AGBL1: variants seen among roughly 807,000 people sequenced by gnomAD.
AGBL1 encodes the protein AGBL carboxypeptidase 1.
Under a neutral mutation model 118.9 loss-of-function variants are expected in AGBL1, and 130 were observed. That is an observed-to-expected ratio of 1.09 (90% CI 0.95 to 1.26). The LOEUF (loss-of-function observed/expected upper bound fraction) is 1.26, where lower values mean the gene tolerates loss of function less well. Among genes scored for constraint, AGBL1 ranks in the 50% most tolerant of loss-of-function variants. The pLI, the probability that AGBL1 is intolerant of heterozygous loss-of-function variation, is 0.00. For missense variants in AGBL1, 1,584 were observed against 1,298.1 expected, an observed-to-expected ratio of 1.22 and a Z score of -3.38; for synonymous variants, 555 against 478.9, an observed-to-expected ratio of 1.16 and a Z score of -2.08.
At chr15:86,417,051 C>T (rs972127886) in intron 18 of AGBL1, among the ~76,000 whole-genome samples, 3 of 152,300 alleles carry the variant, frequency 2.0e-5, no homozygotes, top group Non-Finnish European at 4.4e-5. Context: ...GAGAACTTAA[C>T]GTCTAGTTCA....
chr15:86,649,762 C>CTT (rs1223921649), intron 21 of AGBL1, among the ~76,000 whole-genome samples: 2 of 134,008 alleles, frequency 1.5e-5, no homozygotes, highest in African/African-American at 5.5e-5. Context: ...ATTCAACATT[C>CTT]TTTTTTTTTT....
intron 21 of AGBL1, among the ~76,000 whole-genome samples, chr15:86,625,691 G>C (rs572891198): frequency 8.7e-4 from 132 of 152,206 alleles, no homozygotes; most frequent in African/African-American, 3.1e-3. Context: ...AATGGGTCAA[G>C]AATGGCAGGT....
intron 5 of AGBL1, among the ~76,000 whole-genome samples, chr15:86,188,244 T>C (rs2077663732): frequency 6.6e-6 from 1 of 152,192 alleles, no homozygotes. Context: ...CCCCCCACAC[T>C]ATGGAGCTGA....
rs1220680273 is a variant in AGBL1 at position 86,703,816 on chromosome 15, T to G, written c.3158+29380T>G. Among the ~76,000 whole-genome samples the G allele has an allele frequency of 3.9e-5, 6 of 152,066 alleles. 1 individual carries two copies. The highest frequency in any genetic ancestry group is 1.4e-4 in the African/African-American group (6 of 41,418). On this transcript the variant is annotated intron_variant, in intron 22 of 22. Transcript: ENST00000614907. ...TGATTGTGAGGCCTCCCTGCCCATG[T>G]GGAAGTGTGAGTCAATTAAATCTCT...
intron 7 of AGBL1, among the ~76,000 whole-genome samples, chr15:86,251,874 CA>C (rs1160400639): frequency 2.0e-5 from 3 of 151,040 alleles, no homozygotes; most frequent in Non-Finnish European, 4.4e-5. Context: ...GGATAATTAT[CA>C]ATTTGGAGAA....
intron 21 of AGBL1, among the ~76,000 whole-genome samples, chr15:86,620,033 A>G (rs11638062): frequency 0.12 from 17,772 of 152,148 alleles, 1,088 homozygotes; most frequent in South Asian, 0.13. Context: ...TCTTCCAGAA[A>G]TGCTGGGTGA....
intron 18 of AGBL1, among the ~76,000 whole-genome samples, chr15:86,418,639 C>T (rs565878877): frequency 6.6e-6 from 1 of 152,230 alleles, no homozygotes; most frequent in East Asian, 1.9e-4. Flanking sequence ...TTGATAATTT[C>T]CCATAGATTA....
chr15:86,513,619 C>G (rs184015682), intron 18 of AGBL1, among the ~76,000 whole-genome samples: 1 of 152,082 alleles, frequency 6.6e-6, no homozygotes, highest in Non-Finnish European at 1.5e-5. Flanking sequence ...CTGATTGTTG[C>G]TTGTATCGAT....
intron 18 of AGBL1, among the ~76,000 whole-genome samples, chr15:86,499,136 C>T (rs1259294384): frequency 6.6e-6 from 1 of 151,838 alleles, no homozygotes; most frequent in African/African-American, 2.4e-5. Context: ...AGTAGAGGGA[C>T]CTCTCCTTAT....
chr15:86,133,240 C>G (rs1164885647), intron 1 of AGBL1, among the ~76,000 whole-genome samples: 3 of 152,188 alleles, frequency 2.0e-5, no homozygotes, highest in Non-Finnish European at 2.9e-5. Context: ...CACTAGCCTT[C>G]TGAATGTCCC....
At chr15:86,930,053 A>G (rs1462109147) in intron 23 of AGBL1, among the ~76,000 whole-genome samples, 1 of 152,190 alleles carries the variant, frequency 6.6e-6, no homozygotes, top group African/African-American at 2.4e-5. Context: ...CGAAGGAAAC[A>G]TACCATAAAT....
intron 17 of AGBL1, chr15:86,317,103 A>T (rs954552166): frequency 6.6e-6 from 1 of 152,266 alleles, no homozygotes; most frequent in African/African-American, 2.4e-5. Flanking sequence ...CCTGCCTCTC[A>T]TCTGTTTCCG....
At chr15:86,898,120 G>T (rs148045889) in intron 22 of AGBL1, among the ~76,000 whole-genome samples, 323 of 152,162 alleles carry the variant, frequency 2.1e-3, no homozygotes, top group Non-Finnish European at 2.7e-3. Context: ...GAAGAAAGAT[G>T]CACAAAATAG....
intron 1 of AGBL1, among the ~76,000 whole-genome samples, chr15:86,113,217 C>CTTTTCTTTTCTTTTCTTTTCTT (rs1897510949): frequency 2.0e-5 from 1 of 50,786 alleles, no homozygotes; most frequent in Non-Finnish European, 3.2e-5. Context: ...TTTTCTTTTT[C>CTTTTCTTTTCTTTTCTTTTCTT]TTTTCTTTTC....
At chr15:86,645,513 G>A (rs1166977683) in intron 21 of AGBL1, among the ~76,000 whole-genome samples, 1 of 152,220 alleles carries the variant, frequency 6.6e-6, no homozygotes, top group Non-Finnish European at 1.5e-5. Flanking sequence ...AGGCTCAGTG[G>A]AGTTTGGCAC....
At chr15:86,080,700 G>A (rs1748188799) in intron 1 of AGBL1, among the ~76,000 whole-genome samples, 1 of 152,162 alleles carries the variant, frequency 6.6e-6, no homozygotes, top group Non-Finnish European at 1.5e-5. Flanking sequence ...ACTCATGCTT[G>A]GGACCCACCC....
intron 21 of AGBL1, among the ~76,000 whole-genome samples, chr15:86,667,206 GTA>G (rs1567111769): frequency 8.6e-5 from 4 of 46,774 alleles, no homozygotes; most frequent in African/African-American, 1.7e-4. Flanking sequence ...AGATATCTAT[GTA>G]TGTATCTATG....
Position 86,791,884 on chromosome 15 carries a change from G to T in AGBL1, c.3159-115203G>T, listed in dbSNP as rs58594219. ...CTGGAGTAGCTGGGATTAAAGGTGTGTGCCACCACACCTGGCTAATTTTTT... is the reference window on the plus strand; with the variant it reads ...CTGGAGTAGCTGGGATTAAAGGTGTTTGCCACCACACCTGGCTAATTTTTT... On this transcript the variant is annotated intron_variant, in intron 22 of 22. Transcript: ENST00000614907. Among the ~76,000 whole-genome samples, 513 of 151,990 alleles carry T rather than the reference G, an allele frequency of 3.4e-3. 5 individuals are homozygous for T. The highest frequency in any genetic ancestry group is 0.012 in the African/African-American group (481 of 41,422).
chr15:86,732,126 A>G (rs1031870660), intron 22 of AGBL1, among the ~76,000 whole-genome samples: 3 of 152,230 alleles, frequency 2.0e-5, no homozygotes, highest in African/African-American at 7.2e-5. Flanking sequence ...GAATTTGCGG[A>G]CAGTAAATAG....
Sources: allele counts gnomAD v4.1 joint callset (sites outside exome capture counted in the v4.1 genomes callset), GRCh38; gene constraint gnomAD v4.1.1; transcripts MANE v1.5; gene names NCBI Gene and HGNC (gene_info 2026-07-23, HGNC 2026-07-21).